The following PIBF1 variants were observed in gnomAD, a reference collection of about 807,000 sequenced individuals.
The protein encoded by PIBF1 is progesterone immunomodulatory binding factor 1, also known as progesterone-induced-blocking factor 1.
Under a neutral mutation model 112.5 loss-of-function variants are expected in PIBF1, and 90 were observed. The ratio of observed to expected loss-of-function variants is 0.80; its 90% CI spans 0.67 to 0.95. PIBF1 has a LOEUF of 0.95. Among genes scored for constraint, PIBF1 ranks in the 40% least tolerant of loss-of-function variants. The pLI, the probability that PIBF1 is intolerant of heterozygous loss-of-function variation, is 0.00. For missense variants in PIBF1, 915 were observed against 852.3 expected, an observed-to-expected ratio of 1.07 and a Z score of -0.92; for synonymous variants, 301 against 288.6, an observed-to-expected ratio of 1.04 and a Z score of -0.44.
chr13:72,925,204 A>G (rs2041438708), intron 13 of PIBF1, among the ~76,000 whole-genome samples: 1 of 152,252 alleles, frequency 6.6e-6, no homozygotes, highest in African/African-American at 2.4e-5. Context: ...TAAGAAATAC[A>G]GATGTCTGAC....
At chr13:72,934,286 CTTTAT>C (rs1232060702) in intron 14 of PIBF1, among the ~76,000 whole-genome samples, 7 of 151,692 alleles carry the variant, frequency 4.6e-5, no homozygotes, top group Non-Finnish European at 8.8e-5. Context: ...GATCTTTATT[CTTTAT>C]TTTATTTTAT....
intron 10 of PIBF1, among the ~76,000 whole-genome samples, chr13:72,887,818 C>T (rs1371665530): frequency 6.6e-6 from 1 of 151,948 alleles, no homozygotes; most frequent in East Asian, 1.9e-4. Context: ...AACTCAGTGT[C>T]CTTGTGTGAT....
intron 2 of PIBF1, among the ~76,000 whole-genome samples, chr13:72,785,482 A>G (rs2034550884): frequency 6.6e-6 from 1 of 152,208 alleles, no homozygotes; most frequent in Non-Finnish European, 1.5e-5. Flanking sequence ...TAGCATACCC[A>G]AGGCCATTCA....
At chr13:72,794,029 C>T (rs947793487) in intron 3 of PIBF1, among the ~76,000 whole-genome samples, 4 of 152,026 alleles carry the variant, frequency 2.6e-5, no homozygotes, top group African/African-American at 7.3e-5. Flanking sequence ...AGAAGAGGAC[C>T]AAGTACTCCA....
intron 10 of PIBF1, among the ~76,000 whole-genome samples, chr13:72,860,960 C>T (rs553175318): frequency 6.6e-6 from 1 of 152,210 alleles, no homozygotes; most frequent in South Asian, 2.1e-4. Flanking sequence ...TCCTAAGATT[C>T]TTTCTTCCAA....
chr13:72,916,060 CT>C (rs2041081089), intron 12 of PIBF1, among the ~76,000 whole-genome samples: 1 of 151,884 alleles, frequency 6.6e-6, no homozygotes, highest in Admixed American at 6.6e-5. Flanking sequence ...TGATGAAATA[CT>C]TTTTTTGGTG....
intron 13 of PIBF1, among the ~76,000 whole-genome samples, chr13:72,929,567 T>G (rs2041638150): frequency 2.0e-5 from 3 of 152,126 alleles, no homozygotes; most frequent in Non-Finnish European, 4.4e-5. Context: ...ATTATAGTGA[T>G]AGTGGCACAA....
At chr13:72,893,742 AC>A in intron 10 of PIBF1, 41 bp from the exon 11 acceptor site, 1 of 1,289,786 alleles carries the variant, frequency 7.8e-7, no homozygotes, top group Non-Finnish European at 1.0e-6. Context: ...AATCATTGAG[AC>A]TGCTTTCTTT....
chr13:72,927,958 T>TACATATATATATACAC (rs2041550561), intron 13 of PIBF1, among the ~76,000 whole-genome samples: 1 of 73,088 alleles, frequency 1.4e-5, no homozygotes, highest in Non-Finnish European at 2.6e-5. Flanking sequence ...TATATATATA[T>TACATATATATATACAC]ACACATATAT....
chr13:72,924,960 A>T (rs1266296497), intron 13 of PIBF1, among the ~76,000 whole-genome samples: 2 of 152,186 alleles, frequency 1.3e-5, no homozygotes, highest in African/African-American at 4.8e-5. Flanking sequence ...ACTCGACGGG[A>T]GCCTTTAAAG....
At chr13:72,963,442 A>C (rs2042658289) in intron 14 of PIBF1, among the ~76,000 whole-genome samples, 2 of 152,034 alleles carry the variant, frequency 1.3e-5, no homozygotes, top group African/African-American at 4.8e-5. Flanking sequence ...AAAAATATGA[A>C]AATTAGCCAG....
intron 6 of PIBF1, among the ~76,000 whole-genome samples, chr13:72,822,381 A>G (rs1006071070): frequency 6.6e-6 from 1 of 151,990 alleles, no homozygotes; most frequent in African/African-American, 2.4e-5. Context: ...TTCTGAAAAT[A>G]TGTTTCCTAA....
intron 4 of PIBF1, among the ~76,000 whole-genome samples, chr13:72,796,449 C>T (rs911859618): frequency 3.3e-5 from 5 of 151,950 alleles, no homozygotes; most frequent in African/African-American, 1.2e-4. Flanking sequence ...AGTAACGGTG[C>T]GTTTCTATTG....
chr13:72,836,643 A>G (rs1277742559), intron 9 of PIBF1, among the ~76,000 whole-genome samples: 1 of 152,152 alleles, frequency 6.6e-6, no homozygotes, highest in Non-Finnish European at 1.5e-5. Flanking sequence ...TTTTTATGCT[A>G]ATGCCTCTGA....
intron 16 of PIBF1, among the ~76,000 whole-genome samples, chr13:72,981,616 A>G (rs1028176337): frequency 1.3e-5 from 2 of 152,350 alleles, no homozygotes; most frequent in East Asian, 3.9e-4. Context: ...GTTTTGAGAA[A>G]AATGAATTTT....
intron 8 of PIBF1, among the ~76,000 whole-genome samples, chr13:72,829,318 A>T (rs1209554039): frequency 6.6e-6 from 1 of 152,080 alleles, no homozygotes; most frequent in African/African-American, 2.4e-5. Flanking sequence ...TTTTGCTGCC[A>T]TTGCTTTTGG....
chr13:72,916,554 T>C (rs1335698239), intron 12 of PIBF1, among the ~76,000 whole-genome samples: 1 of 151,884 alleles, frequency 6.6e-6, no homozygotes, highest in African/African-American at 2.4e-5. Context: ...TTTCACATAA[T>C]TTTTTTACAT....
In PIBF1 at chr13:72,908,663, A is replaced by C; in HGVS notation, c.1621A>C (p.Ile541Leu). 1 of 1,613,058 alleles carries C rather than the reference A, an allele frequency of 6.2e-7. No individual in the cohort carries two copies. The change falls in exon 12 of 18, where the codon ATA becomes CTA. Residue 541 changes from isoleucine (I) to leucine (L), a missense_variant. Ile to Leu is a conservative substitution (Grantham distance 5). Transcript: ENST00000326291. ...ACTGGAAAAAGAGCTTGATGAAATA[A>C]TAATGCAAACTGCAGAAAGTAAGTC... Reference protein sequence around the residue: ...EKLEKELDEIIMQTAEIENED... With the variant: ...EKLEKELDEILMQTAEIENED...
intron 16 of PIBF1, among the ~76,000 whole-genome samples, chr13:72,991,621 G>A (rs2043483817): frequency 6.6e-6 from 1 of 152,034 alleles, no homozygotes; most frequent in Non-Finnish European, 1.5e-5. Context: ...AGATTTGGTG[G>A]CTCACACCTG....
Sources: allele counts gnomAD v4.1 joint callset (sites outside exome capture counted in the v4.1 genomes callset), GRCh38; gene constraint gnomAD v4.1.1; transcripts MANE v1.5; gene names NCBI Gene and HGNC (gene_info 2026-07-23, HGNC 2026-07-21).